The following SHARPIN variants were observed in gnomAD, a reference collection of about 807,000 sequenced individuals.
The protein encoded by SHARPIN is SHANK associated RH domain interactor.
Under a neutral mutation model 40.3 loss-of-function variants are expected in SHARPIN, and 25 were observed. The ratio of observed to expected loss-of-function variants is 0.62; its 90% CI spans 0.45 to 0.87. The LOEUF (loss-of-function observed/expected upper bound fraction) is 0.87, where lower values mean the gene tolerates loss of function less well. SHARPIN is among the 40% of genes least tolerant of loss of function. The pLI is 0.00. For synonymous variants in SHARPIN, 274 were observed against 221.8 expected (o/e 1.24, Z -2.09); for missense variants, 551 against 516.1 (o/e 1.07, Z -0.66).
chr8:144,100,434 G>T (rs907285194), intron 2 of SHARPIN, among the ~76,000 whole-genome samples: 5 of 152,212 alleles, frequency 3.3e-5, no homozygotes, highest in African/African-American at 7.2e-5. Flanking sequence ...GAGCCCTTGG[G>T]GACCTCCCCT....
In SHARPIN at chr8:144,099,183, G is replaced by A. The variant is rs751554369; in HGVS notation, c.945C>T (p.His315=). The A allele has an allele frequency of 5.0e-6, 8 of 1,596,464 alleles. No homozygotes were observed. The African/African-American group carries it at 8.1e-5, about 16-fold the overall frequency. ...CAAGTTCCCCGTCCATCTTCTGGGG[G>A]TGCTGAGGGCTAGGTCCTGTGGCTG... ...EAPATGPSPQ[H]PQKMDGELGR... The change falls in exon 7 of 9, where the codon CAC becomes CAT. Residue 315 remains histidine (H), a synonymous_variant. Coordinates refer to ENST00000398712, the MANE Select transcript of SHARPIN (RefSeq NM_030974.4).
At chr8:144,103,457 A>T in intron 1 of SHARPIN, 96 bp downstream of exon 1, 1 of 1,308,594 alleles carries the variant, frequency 7.6e-7, no homozygotes, top group Non-Finnish European at 1.0e-6. Flanking sequence ...ATAACTGCTT[A>T]AGGGCACCCA....
rs915756356 is a variant in SHARPIN, at chr8:144,103,709, C to A, written c.45G>T (p.Leu15Phe). Residue 15 changes from leucine (L) to phenylalanine (F), a missense_variant, in exon 1 of 9, where the codon TTG (leucine) becomes TTT (phenylalanine). Physicochemically the swap from Leu to Phe is conservative, Grantham distance 22. Transcript: ENST00000398712. ...CAGCCAAGAGCACTGCGGCGGAGCC[C>A]AAGTCCGAGGCCGCCGCCGCCGCCC... ...AGGAAAAASD[L>F]GSAAVLLAVH... 9 of 1,439,614 alleles carry A rather than the reference C, an allele frequency of 6.3e-6. No individual in the cohort carries two copies. The highest frequency in any genetic ancestry group is 2.4e-4 in the Middle Eastern group (1 of 4,082). 89.2% of individuals were successfully genotyped at this position (1,439,614 alleles called of 1,614,324 possible).
Position 144,103,242 on chromosome 8 carries a change from T to C in SHARPIN, c.202-17A>G. The C allele has an allele frequency of 6.3e-7, 1 of 1,586,296 alleles. No individual in the cohort carries two copies. Among genetic ancestry groups the C allele is most frequent in the South Asian group, 1.1e-5 (1 of 87,938 alleles). On this transcript the variant is annotated splice_polypyrimidine_tract_variant and intron_variant, in intron 1 of 8. Coordinates refer to ENST00000398712, the MANE Select transcript of SHARPIN (RefSeq NM_030974.4). ...CAAATTAACCTGAGAAGAGGGAGAG[T>C]CCAGGCTCAGGGCGTCCCCCCGCCC...
intron 3 of SHARPIN, 36 bp downstream of exon 3, chr8:144,099,893 T>TGCCCCCC: frequency 1.3e-6 from 2 of 1,550,972 alleles, no homozygotes; most frequent in South Asian, 1.1e-5. Context: ...CTATCTGCTA[T>TGCCCCCC]CCCCGAACCC....
At chr8:144,101,145 T>C (rs1164627253) in intron 2 of SHARPIN, among the ~76,000 whole-genome samples, 1 of 152,028 alleles carries the variant, frequency 6.6e-6, no homozygotes, top group East Asian at 1.9e-4. Context: ...CCTGCCACCG[T>C]TTTAAACAGC....
Position 144,103,755 on chromosome 8 carries a change from T to C in SHARPIN, c.-2A>G, listed in dbSNP as rs765773837. 7.3e-7 allele frequency: 1 copy of C among 1,371,844 alleles called. No individual in the cohort carries two copies. Among genetic ancestry groups the C allele is most frequent in the South Asian group, 1.7e-5 (1 of 58,922 alleles). 85.0% of individuals were successfully genotyped at this position (1,371,844 alleles called of 1,614,324 possible). On this transcript the variant is annotated 5_prime_UTR_variant, in exon 1 of 9. Coordinates refer to ENST00000398712, the MANE Select transcript of SHARPIN (RefSeq NM_030974.4). ...CGCCCCGCCCGCTGGCGGCGCCATC[T>C]CCGGTCCGGCCGGGTCCCACCCCTC...
At chr8:144,103,504 C>T in intron 1 of SHARPIN, 49 bp downstream of exon 1, 1 of 1,516,246 alleles carries the variant, frequency 6.6e-7, no homozygotes, top group African/African-American at 1.4e-5. Flanking sequence ...GGGCTCCGTG[C>T]CCTGCCCGGG....
intron 2 of SHARPIN, among the ~76,000 whole-genome samples, chr8:144,102,380 C>T (rs1404418364): frequency 6.7e-6 from 1 of 149,994 alleles, no homozygotes; most frequent in Admixed American, 6.7e-5. Context: ...TCAAGTGATT[C>T]TCCTGCCTCA....
intron 2 of SHARPIN, among the ~76,000 whole-genome samples, chr8:144,101,242 GT>G (rs778483790): frequency 1.9e-4 from 27 of 141,348 alleles, no homozygotes; most frequent in East Asian, 6.2e-4. Context: ...TATTATTTTT[GT>G]TTTTTTTTTT....
At chr8:144,102,862 T>A in intron 2 of SHARPIN, 189 bp downstream of exon 2, 1 of 692,356 alleles carries the variant, frequency 1.4e-6, no homozygotes, top group Non-Finnish European at 2.5e-6. Flanking sequence ...GGCTGGGGCC[T>A]CAGATGGTGT....
At chr8:144,102,887 A>G in intron 2 of SHARPIN, 164 bp downstream of exon 2, 1 of 813,780 alleles carries the variant, frequency 1.2e-6, no homozygotes. Context: ...GACTGACTCC[A>G]GCAGCCACTC....
rs749606288 is a variant in SHARPIN at position 144,103,101 on chromosome 8, G to A, written c.326C>T (p.Ala109Val). The A allele has an allele frequency of 6.2e-7, 1 of 1,609,882 alleles. No homozygotes were observed. Among genetic ancestry groups the A allele is most frequent in the Non-Finnish European group, 8.5e-7 (1 of 1,179,064 alleles). ...LSLHFLNPQE[A>V]QRWAVLVRGA... is the part of the protein sequence containing the mutation. ...TCGGACTAGGACTGCCCACCGCTGA[G>A]CTTCCTGAGGGTTGAGGAAGTGCAG... Residue 109 changes from alanine (A) to valine (V), a missense_variant, in exon 2 of 9, where the codon GCT becomes GTT. Transcript: ENST00000398712.
chr8:144,099,748 A>G lies in SHARPIN; in HGVS notation c.614T>C (p.Leu205Pro), dbSNP rs1338657503. The G allele has an allele frequency of 2.5e-6, 4 of 1,613,478 alleles. No individual in the cohort carries two copies. The highest frequency in any genetic ancestry group is 4.5e-5 in the East Asian group (2 of 44,882). Reference sequence around the variant, plus strand: ...GCAGGCCTCCTGAAGCTGAACACTCAGGGCCACACGATGCTGGGCCAGGAC... The same window carrying G: ...GCAGGCCTCCTGAAGCTGAACACTCGGGGCCACACGATGCTGGGCCAGGAC... The part of the protein sequence containing the change: ...AAVLAQHRVA[L>P]SVQLQEACFP... The change falls in exon 4 of 9, where the codon CTG (leucine) becomes CCG (proline). Residue 205 changes from leucine to proline, a missense_variant. Transcript: ENST00000398712.
rs773294814 is a variant in SHARPIN at position 144,103,233 on chromosome 8, G to A, written c.202-8C>T. 2.1e-5 allele frequency: 34 copies of A among 1,597,966 alleles called. No homozygotes were observed. The highest frequency in any genetic ancestry group is 2.7e-5 in the Non-Finnish European group (32 of 1,171,944). On this transcript the variant is annotated splice_region_variant and splice_polypyrimidine_tract_variant and intron_variant, in intron 1 of 8. Coordinates refer to ENST00000398712, the MANE Select transcript of SHARPIN (RefSeq NM_030974.4). Reference sequence around the variant, plus strand: ...GGGCCACTCCAAATTAACCTGAGAAGAGGGAGAGTCCAGGCTCAGGGCGTC... The same window carrying A: ...GGGCCACTCCAAATTAACCTGAGAAAAGGGAGAGTCCAGGCTCAGGGCGTC...
In SHARPIN at chr8:144,103,639, C is replaced by A. The variant is rs1836340075; in HGVS notation, c.115G>T (p.Ala39Ser). 1 of 1,525,814 alleles carries A rather than the reference C, an allele frequency of 6.6e-7. No individual in the cohort carries two copies. Among genetic ancestry groups the A allele is most frequent in the African/African-American group, 1.4e-5 (1 of 71,250 alleles). 94.5% of individuals were successfully genotyped at this position (1,525,814 alleles called of 1,614,324 possible). Residue 39 changes from alanine to serine, a missense_variant, in exon 1 of 9, where the codon GCA (alanine) becomes TCA (serine). Physicochemically the swap from Ala to Ser is moderately conservative, Grantham distance 99. Coordinates refer to ENST00000398712, the MANE Select transcript of SHARPIN (RefSeq NM_030974.4). ...CTCAGCTGCAGCCTCCGCAGCTGTG[C>A]CTCGGCGTCTGGCCCGGCGCCCAGC... ...RPLGAGPDAEAQLRRLQLSAD... is the reference protein window; with the variant it reads ...RPLGAGPDAESQLRRLQLSAD...
At chr8:144,102,308 C>G (rs1172528046) in intron 2 of SHARPIN, among the ~76,000 whole-genome samples, 2 of 142,936 alleles carry the variant, frequency 1.4e-5, no homozygotes, top group Non-Finnish European at 3.0e-5. Flanking sequence ...GAGTCTTGCT[C>G]TGTCACCCAG....
Position 144,099,299 on chromosome 8 carries a change from C to T in SHARPIN, c.900G>A (p.Leu300=), listed in dbSNP as rs376520557. The T allele has an allele frequency of 1.2e-4, 187 of 1,614,002 alleles. 1 individual carries two copies. The highest frequency in any genetic ancestry group is 1.1e-3 in the Admixed American group (66 of 59,994). Residue 300 remains leucine, a synonymous_variant, in exon 6 of 9, where the codon CTG becomes CTA. Transcript: ENST00000398712. ...QDGDPAFLYL[L]SAPREAPATG... Reference sequence around the variant, plus strand: ...GACCTGGGGCTTCTCGAGGAGCTGACAGCAAGTAGAGGAAAGCAGGGTCCC... The same window carrying T: ...GACCTGGGGCTTCTCGAGGAGCTGATAGCAAGTAGAGGAAAGCAGGGTCCC...
In SHARPIN at chr8:144,098,960, TTGA is replaced by T. The variant is rs1564312765; in HGVS notation, c.1079_1081del (p.Ile360del). 1 of 1,596,254 alleles carries T rather than the reference TTGA, an allele frequency of 6.3e-7. No homozygotes were observed. The highest frequency in any genetic ancestry group is 2.2e-5 in the East Asian group (1 of 44,694). ...CTCACAGCCAGGGCGGTCTGGGGCA[TTGA>T]TGAAGGTGCAGGAAGGACAGGACCA... On this transcript the variant is annotated inframe_deletion, in exon 8 of 9. Transcript: ENST00000398712.
Sources: allele counts gnomAD v4.1 joint callset (sites outside exome capture counted in the v4.1 genomes callset), GRCh38; gene constraint gnomAD v4.1.1; transcripts MANE v1.5; gene names NCBI Gene and HGNC (gene_info 2026-07-23, HGNC 2026-07-21).